The following KDM2A variants were observed in gnomAD, a reference collection of about 807,000 sequenced individuals.
KDM2A encodes the protein lysine-specific demethylase 2A.
In KDM2A, 3 loss-of-function variants were observed where a neutral mutation model predicts 137.3. That is an observed-to-expected ratio of 0.02 (90% CI 0.01 to 0.06). The LOEUF (loss-of-function observed/expected upper bound fraction) is 0.06. Among genes scored for constraint, KDM2A ranks in the 10% least tolerant of loss-of-function variants. KDM2A has a pLI of 1.00. For missense variants in KDM2A, 738 were observed against 1,510.6 expected (o/e 0.49, Z 8.48); for synonymous variants, 512 against 541.5 (o/e 0.95, Z 0.76).
At chr11:67,220,898 G>C (rs557001410) in intron 10 of KDM2A, among the ~76,000 whole-genome samples, 50 of 151,556 alleles carry the variant, frequency 3.3e-4, no homozygotes, top group Admixed American at 1.3e-4. Context: ...ATTAAAAAAT[G>C]TAAAAAACGA....
chr11:67,159,837 G>C (rs1264660178), intron 2 of KDM2A, among the ~76,000 whole-genome samples: 2 of 152,070 alleles, frequency 1.3e-5, no homozygotes, highest in Non-Finnish European at 2.9e-5. Context: ...TTGCAGTTTA[G>C]GATATGTTCA....
At position 67,181,796 on chromosome 11, in the gene KDM2A, A is replaced by G. The variant is rs367910857; in HGVS notation, c.261-50A>G. On this transcript the variant is annotated intron_variant, in intron 4 of 20. Transcript: ENST00000529006. Reference sequence around the variant, plus strand: ...ACTTTAAGAAAAAAAACTCACATTTACTAGAGCAATTGTGTTTTCCATATA... The same window carrying G: ...ACTTTAAGAAAAAAAACTCACATTTGCTAGAGCAATTGTGTTTTCCATATA... 1.8e-5 allele frequency: 28 copies of G among 1,519,474 alleles called. No individual in the cohort carries two copies. In the Middle Eastern group the frequency reaches 1.2e-3, roughly 64 times the overall value. The allele number at this position is 1,519,474 out of a possible 1,614,324, so 94.1% of individuals were successfully genotyped here.
In KDM2A at chr11:67,254,785, AT is replaced by A; in HGVS notation, c.3308-85del. On this transcript the variant is annotated intron_variant, in intron 20 of 20. Coordinates refer to ENST00000529006, the MANE Select transcript of KDM2A (RefSeq NM_012308.3). This position sits in a 1 kb window ranked among gnomAD's most constrained non-coding sequence, Gnocchi z 4.7. ...GGGACAAAGAGGGCTTTTGTTTAGC[AT>A]TTTGAAGGAAAGACGGCTACAGGAA... The A allele has an allele frequency of 7.9e-7, 1 of 1,267,604 alleles. No homozygotes were observed. 78.5% of individuals were successfully genotyped at this position (1,267,604 alleles called of 1,614,324 possible).
At chr11:67,199,969 G>A (rs1453273959) in intron 5 of KDM2A, among the ~76,000 whole-genome samples, 11 of 152,104 alleles carry the variant, frequency 7.2e-5, no homozygotes, top group African/African-American at 2.7e-4. Context: ...TCCAAAAAAA[G>A]CTTATTTACC....
At chr11:67,246,682 C>G (rs942363050) in intron 15 of KDM2A, among the ~76,000 whole-genome samples, 1 of 152,066 alleles carries the variant, frequency 6.6e-6, no homozygotes, top group East Asian at 1.9e-4. Context: ...AATTGTGCAG[C>G]CTTTGTGGAG....
intron 2 of KDM2A, 46 bp downstream of exon 2, chr11:67,121,404 A>T: frequency 6.4e-7 from 1 of 1,573,732 alleles, no homozygotes; most frequent in Non-Finnish European, 8.7e-7. Context: ...TTAAAGTAGG[A>T]TAACTATTTT....
Position 67,257,589 on chromosome 11 carries a change from T to A in KDM2A, c.*2534T>A. ...AAACCACAAAGGAAAGGAAGAAAAT[T>A]TATATATATATAATATAAAATCACT... is the stretch of plus-strand genomic sequence containing the variant. On this transcript the variant is annotated 3_prime_UTR_variant, in exon 21 of 21. Transcript: ENST00000529006. 6.6e-6 allele frequency: 1 copy of A among 152,206 alleles called. No individual in the cohort carries two copies. The highest frequency in any genetic ancestry group is 2.1e-4 in the South Asian group (1 of 4,812). The allele number at this position is 152,206 out of a possible 1,614,324, so 9.4% of individuals were successfully genotyped here.
intron 2 of KDM2A, among the ~76,000 whole-genome samples, chr11:67,133,971 C>T (rs369354402): frequency 7.2e-5 from 11 of 152,238 alleles, no homozygotes; most frequent in South Asian, 4.1e-4. Flanking sequence ...GGATTAGAGG[C>T]GTGAGCCACC....
At chr11:67,120,880 C>T (rs757385627) in intron 1 of KDM2A, among the ~76,000 whole-genome samples, 15 of 151,864 alleles carry the variant, frequency 9.9e-5, no homozygotes, top group Non-Finnish European at 2.1e-4. Context: ...TGGTGCTTCA[C>T]CTGGTCAGCT....
At chr11:67,232,903 T>A (rs914793103) in intron 12 of KDM2A, among the ~76,000 whole-genome samples, 4 of 151,796 alleles carry the variant, frequency 2.6e-5, no homozygotes, top group Admixed American at 2.6e-4. Flanking sequence ...AGAGATGGGG[T>A]TTCACCATGT....
chr11:67,170,368 T>C (rs1424724249), intron 2 of KDM2A, among the ~76,000 whole-genome samples: 1 of 151,370 alleles, frequency 6.6e-6, no homozygotes, highest in African/African-American at 2.4e-5. Context: ...TGCTAATCCT[T>C]TATCCTACCA....
At chr11:67,236,817 C>T (rs1392276318) in intron 12 of KDM2A, among the ~76,000 whole-genome samples, 1 of 152,176 alleles carries the variant, frequency 6.6e-6, no homozygotes, top group Non-Finnish European at 1.5e-5. Context: ...TATTCCACCG[C>T]TCTGAATAAT....
chr11:67,145,963 G>A (rs529883302), intron 2 of KDM2A, among the ~76,000 whole-genome samples: 1 of 148,436 alleles, frequency 6.7e-6, no homozygotes, highest in East Asian at 2.0e-4. Context: ...TATATAAAAT[G>A]CCTGTTCTTC....
chr11:67,180,816 C>T (rs1359780115), intron 3 of KDM2A, among the ~76,000 whole-genome samples: 1 of 151,484 alleles, frequency 6.6e-6, no homozygotes, highest in African/African-American at 2.4e-5. Flanking sequence ...CCACACCCGG[C>T]TAATTTTTTT....
chr11:67,168,425 A>G (rs568417796), intron 2 of KDM2A, among the ~76,000 whole-genome samples: 4 of 152,176 alleles, frequency 2.6e-5, no homozygotes, highest in African/African-American at 4.8e-5. Context: ...ATTTATTTAC[A>G]TATTTGTTGC....
intron 5 of KDM2A, among the ~76,000 whole-genome samples, chr11:67,193,241 C>T (rs1857400220): frequency 6.6e-6 from 1 of 151,694 alleles, no homozygotes; most frequent in South Asian, 2.1e-4. Flanking sequence ...CCACCCGCCT[C>T]AGCCTCCCAA....
chr11:67,180,291 GC>G, intron 3 of KDM2A, 74 bp downstream of exon 3: 1 of 1,468,532 alleles, frequency 6.8e-7, no homozygotes, highest in Non-Finnish European at 9.2e-7. Flanking sequence ...TGGGGGTTTA[GC>G]CTTTATCCAG....
chr11:67,169,760 T>TC (rs1555084878), intron 2 of KDM2A, among the ~76,000 whole-genome samples: 68 of 19,654 alleles, frequency 3.5e-3, no homozygotes, highest in Admixed American at 7.0e-3. Flanking sequence ...TCTCTCTCTC[T>TC]TTTTTTTTTT....
chr11:67,235,320 T>TTG (rs1555097934), intron 12 of KDM2A, among the ~76,000 whole-genome samples: 2 of 150,940 alleles, frequency 1.3e-5, no homozygotes, highest in East Asian at 4.0e-4. Flanking sequence ...TTTTTTTTTT[T>TTG]TGAGACTGAG....
Sources: gnomAD v4.1 joint callset for allele counts (sites outside exome capture counted in the v4.1 genomes callset) on GRCh38, gnomAD v4.1.1 for gene constraint, Gnocchi (gnomAD v3.1) non-coding constraint, MANE v1.5 for transcripts, NCBI Gene and HGNC (gene_info 2026-07-23, HGNC 2026-07-21) for gene names.